The following PDE4B variants were observed in gnomAD, a reference collection of about 807,000 sequenced individuals.
PDE4B encodes 3',5'-cyclic-AMP phosphodiesterase 4B.
Under a neutral mutation model 82.2 loss-of-function variants are expected in PDE4B, and 20 were observed. That is an observed-to-expected ratio of 0.24 (90% CI 0.17 to 0.35). The LOEUF (loss-of-function observed/expected upper bound fraction) is 0.35, where lower values mean the gene tolerates loss of function less well. PDE4B is among the 10% of genes least tolerant of loss of function. PDE4B has a pLI of 1.00. For missense variants in PDE4B, 655 were observed against 907.2 expected, an observed-to-expected ratio of 0.72 and a Z score of 3.57; for synonymous variants, 320 against 318.9, an observed-to-expected ratio of 1.00 and a Z score of -0.04.
chr1:65,979,111 T>A (rs1650558324), intron 3 of PDE4B, among the ~76,000 whole-genome samples: 1 of 152,208 alleles, frequency 6.6e-6, no homozygotes. Context: ...TTTACTGAAA[T>A]GAAGGTCCTT....
At chr1:66,213,826 C>A (rs1392852913) in intron 3 of PDE4B, among the ~76,000 whole-genome samples, 2 of 151,832 alleles carry the variant, frequency 1.3e-5, no homozygotes, top group Admixed American at 1.3e-4. Flanking sequence ...CATCACATTG[C>A]CCCTGAATGA....
chr1:66,008,653 C>G (rs762096949), intron 3 of PDE4B, among the ~76,000 whole-genome samples: 52 of 152,260 alleles, frequency 3.4e-4, no homozygotes, highest in Non-Finnish European at 5.7e-4. Flanking sequence ...AATTGTACTG[C>G]TCTACTGGTT....
intron 3 of PDE4B, among the ~76,000 whole-genome samples, chr1:65,989,700 A>G (rs1651141693): frequency 6.6e-6 from 1 of 152,070 alleles, no homozygotes; most frequent in Admixed American, 6.5e-5. Flanking sequence ...CTTCCTAGGC[A>G]CCTGACAGGG....
At chr1:66,336,007 C>T (rs1444800790) in intron 8 of PDE4B, among the ~76,000 whole-genome samples, 1 of 152,164 alleles carries the variant, frequency 6.6e-6, no homozygotes, top group Admixed American at 6.5e-5. Flanking sequence ...TTTGGCTCTC[C>T]ATTATAAAAA....
chr1:66,032,471 G>C (rs1030270086), intron 3 of PDE4B, among the ~76,000 whole-genome samples: 1 of 152,112 alleles, frequency 6.6e-6, no homozygotes, highest in Non-Finnish European at 1.5e-5. Context: ...TATCCCCTAA[G>C]ATGCTGCACT....
intron 10 of PDE4B, among the ~76,000 whole-genome samples, chr1:66,362,577 T>G (rs2102033720): frequency 6.6e-6 from 1 of 152,346 alleles, no homozygotes; most frequent in Middle Eastern, 3.4e-3. Context: ...TCAGATAACC[T>G]TGGAATAATC....
intron 1 of PDE4B, among the ~76,000 whole-genome samples, chr1:65,808,292 C>T (rs191685916): frequency 5.3e-5 from 8 of 151,988 alleles, no homozygotes; most frequent in Admixed American, 4.6e-4. Context: ...CTGCCTCAAC[C>T]TCCCAAGTAG....
chr1:66,070,953 G>A (rs1278495861), intron 3 of PDE4B, among the ~76,000 whole-genome samples: 3 of 151,880 alleles, frequency 2.0e-5, no homozygotes, highest in South Asian at 2.1e-4. Flanking sequence ...TTAAAATATG[G>A]CATTTAATAT....
At chr1:66,270,446 G>A (rs1655389562) in intron 7 of PDE4B, among the ~76,000 whole-genome samples, 1 of 152,216 alleles carries the variant, frequency 6.6e-6, no homozygotes, top group South Asian at 2.1e-4. Context: ...AAGAGGGTCA[G>A]TGAGTTATCT....
At chr1:66,151,162 T>C (rs1646385617) in intron 3 of PDE4B, among the ~76,000 whole-genome samples, 1 of 152,192 alleles carries the variant, frequency 6.6e-6, no homozygotes, top group Non-Finnish European at 1.5e-5. Context: ...GCCATGTGGG[T>C]TTGAACTTTT....
At chr1:66,126,645 A>G (rs1003212657) in intron 3 of PDE4B, among the ~76,000 whole-genome samples, 3 of 152,356 alleles carry the variant, frequency 2.0e-5, no homozygotes, top group Middle Eastern at 3.4e-3. Context: ...GAATTAGAGA[A>G]ATACAAAGTT....
chr1:66,170,365 C>T (rs1336920929), intron 3 of PDE4B, among the ~76,000 whole-genome samples: 2 of 152,144 alleles, frequency 1.3e-5, no homozygotes, highest in African/African-American at 2.4e-5. Context: ...TACATTTACA[C>T]ATTAAAATTT....
At chr1:65,938,470 G>T (rs1197926993) in intron 3 of PDE4B, among the ~76,000 whole-genome samples, 2 of 152,180 alleles carry the variant, frequency 1.3e-5, no homozygotes, top group Admixed American at 6.6e-5. Flanking sequence ...ATAGACTAAT[G>T]ATGCTTTATT....
At chr1:66,205,936 C>T (rs1177355731) in intron 3 of PDE4B, among the ~76,000 whole-genome samples, 1 of 152,196 alleles carries the variant, frequency 6.6e-6, no homozygotes, top group East Asian at 1.9e-4. Flanking sequence ...CCTGCCCCTC[C>T]CCTTGCCAGG....
intron 7 of PDE4B, among the ~76,000 whole-genome samples, chr1:66,294,992 T>A (rs576804496): frequency 2.6e-5 from 4 of 152,312 alleles, no homozygotes; most frequent in Admixed American, 2.6e-4. Flanking sequence ...ATTTGAAGCT[T>A]CATTTTGTGT....
chr1:66,316,066 A>G (rs1426397651), intron 7 of PDE4B, among the ~76,000 whole-genome samples: 2 of 152,218 alleles, frequency 1.3e-5, no homozygotes, highest in Non-Finnish European at 2.9e-5. Context: ...AACTACAACT[A>G]TTTGAAATCC....
chr1:66,187,016 C>A (rs561858624), intron 3 of PDE4B, among the ~76,000 whole-genome samples: 3 of 152,190 alleles, frequency 2.0e-5, no homozygotes, highest in East Asian at 3.9e-4. Context: ...CCATCAATAC[C>A]TAATTTATTG....
chr1:65,818,680 A>T (rs1344195400), intron 1 of PDE4B, among the ~76,000 whole-genome samples: 1 of 73,510 alleles, frequency 1.4e-5, no homozygotes, highest in African/African-American at 4.0e-5. Flanking sequence ...ATTCACACAC[A>T]CACACATATA....
intron 1 of PDE4B, among the ~76,000 whole-genome samples, chr1:65,796,841 C>T (rs879556048): frequency 4.6e-5 from 7 of 151,678 alleles, no homozygotes; most frequent in East Asian, 3.9e-4. Flanking sequence ...AGTGGAGAAG[C>T]GGTTTCACCA....
Sources: allele counts gnomAD v4.1 joint callset (sites outside exome capture counted in the v4.1 genomes callset), GRCh38; gene constraint gnomAD v4.1.1; transcripts MANE v1.5; gene names NCBI Gene and HGNC (gene_info 2026-07-23, HGNC 2026-07-21).